SORCS2: variants seen among roughly 807,000 people sequenced by gnomAD.
SORCS2 encodes VPS10 domain-containing receptor SorCS2.
A neutral mutation model predicts 141.6 loss-of-function variants in SORCS2; 100 were observed. The observed-to-expected ratio is 0.71, with a 90% CI of 0.60 to 0.83. SORCS2 has a LOEUF of 0.83. Ranked by LOEUF, SORCS2 falls within the 40% of genes least tolerant of loss-of-function variation. The pLI, the probability that SORCS2 is intolerant of heterozygous loss-of-function variation, is 0.00. For synonymous variants in SORCS2, 789 were observed against 676.9 expected (o/e 1.17, Z -2.57); for missense variants, 1,646 against 1,560.2 (o/e 1.05, Z -0.93).
chr4:7,309,639 G>A (rs1474683945), intron 1 of SORCS2, among the ~76,000 whole-genome samples: 1 of 152,190 alleles, frequency 6.6e-6, no homozygotes, highest in East Asian at 1.9e-4. Flanking sequence ...CTGAAATGGA[G>A]CTGCCAAGCA....
At chr4:7,543,448 CA>C (rs1712860234) in intron 3 of SORCS2, among the ~76,000 whole-genome samples, 1 of 131,296 alleles carries the variant, frequency 7.6e-6, no homozygotes, top group Non-Finnish European at 1.7e-5. Flanking sequence ...TCCACTCATC[CA>C]TCCATCCATC....
At chr4:7,671,459 G>A (rs1343104270) in intron 8 of SORCS2, among the ~76,000 whole-genome samples, 1 of 151,894 alleles carries the variant, frequency 6.6e-6, no homozygotes, top group Admixed American at 6.6e-5. Flanking sequence ...AGGAAAAATA[G>A]AGAAAAACAA....
chr4:7,724,120 GGTGGTGGTGGTGGTGGTGGTGATGGTC>G (rs1341970389), intron 19 of SORCS2, among the ~76,000 whole-genome samples: 1,439 of 142,552 alleles, frequency 0.01, 20 homozygotes, highest in African/African-American at 0.034. Flanking sequence ...TGGTGATGGT[GGTGGTGGTGGTGGTGGTGGTGATGGTC>G]GTGGTGGTGG....
At chr4:7,339,216 CTT>C (rs1250374702) in intron 1 of SORCS2, among the ~76,000 whole-genome samples, 2 of 152,214 alleles carry the variant, frequency 1.3e-5, no homozygotes, top group Non-Finnish European at 2.9e-5. Flanking sequence ...CACAGCTACT[CTT>C]GGGTAGGAAC....
chr4:7,641,916 G>A (rs913919441), intron 4 of SORCS2, among the ~76,000 whole-genome samples: 4 of 150,802 alleles, frequency 2.7e-5, no homozygotes, highest in African/African-American at 9.8e-5. Context: ...ATGGATGTGT[G>A]GACAGATGGA....
chr4:7,369,077 C>A (rs778554224), intron 1 of SORCS2, among the ~76,000 whole-genome samples: 1 of 152,014 alleles, frequency 6.6e-6, no homozygotes, highest in African/African-American at 2.4e-5. Context: ...GAGGTCAAGG[C>A]GGGTGGATCA....
chr4:7,711,536 C>T (rs993666968), intron 14 of SORCS2, among the ~76,000 whole-genome samples: 2 of 152,184 alleles, frequency 1.3e-5, no homozygotes, highest in Admixed American at 1.3e-4. Flanking sequence ...CAGGGAAGAG[C>T]AGGCTGGGCC....
Position 7,568,664 on chromosome 4 carries a change from A to G in SORCS2, c.648+37035A>G, listed in dbSNP as rs535867293. ...CTGACTGGTAATTGGTGCAGGATCC[A>G]AGAAATGTTGGTCACTGTGTTTCCC... On this transcript the variant is annotated intron_variant, in intron 3 of 26. Transcript: ENST00000507866. Among the ~76,000 whole-genome samples the G allele has an allele frequency of 2.6e-5, 4 of 152,352 alleles. No homozygotes were observed. The South Asian group carries it at 8.3e-4, about 32-fold the overall frequency.
At chr4:7,728,232 T>G in intron 21 of SORCS2, 118 bp from the exon 22 acceptor site, 2 of 651,252 alleles carry the variant, frequency 3.1e-6, no homozygotes, top group South Asian at 1.9e-5. Context: ...CCCTGGGATC[T>G]GAATCAAAGG....
chr4:7,335,811 C>T (rs1719946760), intron 1 of SORCS2, among the ~76,000 whole-genome samples: 1 of 152,226 alleles, frequency 6.6e-6, no homozygotes, highest in African/African-American at 2.4e-5. Flanking sequence ...GCCCAAGTGG[C>T]TTAGATCCTC....
At chr4:7,214,867 T>C (rs1728233514) in intron 1 of SORCS2, among the ~76,000 whole-genome samples, 1 of 152,222 alleles carries the variant, frequency 6.6e-6, no homozygotes, top group African/African-American at 2.4e-5. Flanking sequence ...TGTAGGTCTG[T>C]TCTGCTCATG....
rs143307873 is a variant in SORCS2 at position 7,654,652 on chromosome 4, G to A, written c.887+445G>A. ...ACTCAGCCCCTGACTGACAGACCCCGTGGGTGCCGACCCGGCCTGCCTCAG... is the reference window on the plus strand; with the variant it reads ...ACTCAGCCCCTGACTGACAGACCCCATGGGTGCCGACCCGGCCTGCCTCAG... On this transcript the variant is annotated intron_variant, in intron 5 of 26. Transcript: ENST00000507866. Among the ~76,000 whole-genome samples, 971 of 152,220 alleles carry A rather than the reference G, an allele frequency of 6.4e-3. 8 individuals carry two copies. Among genetic ancestry groups the A allele is most frequent in the African/African-American group, 0.022 (918 of 41,514 alleles).
chr4:7,366,790 G>C (rs985142362), intron 1 of SORCS2, among the ~76,000 whole-genome samples: 3 of 152,002 alleles, frequency 2.0e-5, no homozygotes, highest in African/African-American at 7.3e-5. Flanking sequence ...AGCTTCACAG[G>C]GCCAGGGACC....
At chr4:7,403,975 ATATATATATATATATATATATATT>A (rs1560256582) in intron 2 of SORCS2, among the ~76,000 whole-genome samples, 1 of 44,018 alleles carries the variant, frequency 2.3e-5, no homozygotes, top group East Asian at 2.5e-3. Context: ...ATATATATAT[ATATATATATATATATATATATATT>A]TTTTTTTTTT....
intron 1 of SORCS2, among the ~76,000 whole-genome samples, chr4:7,239,112 T>C (rs559758056): frequency 5.8e-4 from 88 of 152,308 alleles, no homozygotes; most frequent in African/African-American, 1.9e-3. Context: ...CCCCAGAGGC[T>C]CCTTCAAAGT....
At chr4:7,448,446 C>G (rs1311039657) in intron 2 of SORCS2, among the ~76,000 whole-genome samples, 2 of 150,434 alleles carry the variant, frequency 1.3e-5, no homozygotes, top group Non-Finnish European at 3.0e-5. Context: ...TCTCCCCTCC[C>G]TCGTCTCCTT....
chr4:7,631,366 C>T (rs774488080), intron 3 of SORCS2, among the ~76,000 whole-genome samples: 5 of 150,668 alleles, frequency 3.3e-5, no homozygotes, highest in African/African-American at 7.3e-5. Flanking sequence ...ATCCAGGCCT[C>T]GGCTTCAGGC....
At chr4:7,371,446 G>A (rs374016804) in intron 1 of SORCS2, among the ~76,000 whole-genome samples, 7 of 152,254 alleles carry the variant, frequency 4.6e-5, no homozygotes, top group African/African-American at 1.4e-4. Flanking sequence ...TTCATACTTA[G>A]GCCTCACGCT....
intron 2 of SORCS2, among the ~76,000 whole-genome samples, chr4:7,427,906 T>A (rs1426139997): frequency 1.4e-5 from 2 of 147,950 alleles, no homozygotes; most frequent in Non-Finnish European, 3.0e-5. Flanking sequence ...AACACCAGCT[T>A]TGGAGGGGGC....
Sources: gnomAD v4.1 joint callset for allele counts (sites outside exome capture counted in the v4.1 genomes callset) on GRCh38, gnomAD v4.1.1 for gene constraint, MANE v1.5 for transcripts, NCBI Gene and HGNC (gene_info 2026-07-23, HGNC 2026-07-21) for gene names.